The following CA10 variants were observed in gnomAD, a reference collection of about 807,000 sequenced individuals.
CA10 encodes carbonic anhydrase-related protein 10.
Under a neutral mutation model 44.2 loss-of-function variants are expected in CA10, and 14 were observed. That is an observed-to-expected ratio of 0.32 (90% CI 0.21 to 0.50). The LOEUF (loss-of-function observed/expected upper bound fraction) is 0.50, where lower values mean the gene tolerates loss of function less well. CA10 is among the 20% of genes least tolerant of loss of function. CA10 has a pLI of 0.99. For missense variants in CA10, 350 were observed against 409.7 expected, an observed-to-expected ratio of 0.85 and a Z score of 1.26; for synonymous variants, 159 against 141.6, an observed-to-expected ratio of 1.12 and a Z score of -0.87.
intron 3 of CA10, among the ~76,000 whole-genome samples, chr17:51,884,901 G>A (rs763599391): frequency 2.6e-5 from 4 of 152,040 alleles, no homozygotes; most frequent in Non-Finnish European, 5.9e-5. Context: ...TCATCACCTG[G>A]CTTTCTTCCT....
chr17:52,037,629 A>G lies in CA10; in HGVS notation c.136+34690T>C, dbSNP rs565009081. 2.4e-4 allele frequency among the ~76,000 whole-genome samples: 37 copies of G among 152,034 alleles called. 1 individual carries two copies. In the South Asian group the frequency reaches 7.5e-3, roughly 31 times the overall value. Reference sequence around the variant, plus strand: ...TCAAGAATAAAGATTTGAAAGCTTTACTCTCACCCTCTCCCCAAGGACATT... The same window carrying G: ...TCAAGAATAAAGATTTGAAAGCTTTGCTCTCACCCTCTCCCCAAGGACATT... On this transcript the variant is annotated intron_variant, in intron 2 of 8. Coordinates refer to ENST00000451037, the MANE Select transcript of CA10 (RefSeq NM_020178.5).
At chr17:52,144,040 A>G (rs184167584) in intron 1 of CA10, among the ~76,000 whole-genome samples, 1 of 152,226 alleles carries the variant, frequency 6.6e-6, no homozygotes, top group African/African-American at 2.4e-5. Flanking sequence ...GCATTTAATT[A>G]TCATTTAAAG....
At chr17:51,910,102 G>T (rs1345909564) in intron 3 of CA10, among the ~76,000 whole-genome samples, 1 of 152,030 alleles carries the variant, frequency 6.6e-6, no homozygotes, top group African/African-American at 2.4e-5. Context: ...AGGGTAATAG[G>T]AATGAATAAC....
chr17:51,801,105 A>G (rs1451081021), intron 3 of CA10, among the ~76,000 whole-genome samples: 3 of 152,190 alleles, frequency 2.0e-5, no homozygotes, highest in African/African-American at 7.2e-5. Flanking sequence ...CCCTTCAAGC[A>G]TCTTCTCTCT....
At chr17:52,084,617 A>ATTTTTTTTTTT (rs1567728035) in intron 1 of CA10, among the ~76,000 whole-genome samples, 1 of 152,082 alleles carries the variant, frequency 6.6e-6, no homozygotes, top group African/African-American at 2.4e-5. Flanking sequence ...CCCCACCTGG[A>ATTTTTTTTTTT]TTTTTTATTC....
intron 2 of CA10, among the ~76,000 whole-genome samples, chr17:51,969,248 T>C (rs1489069276): frequency 6.6e-6 from 1 of 152,016 alleles, no homozygotes; most frequent in African/African-American, 2.4e-5. Context: ...TTTACCATCT[T>C]CTCTGTGACA....
intron 1 of CA10, among the ~76,000 whole-genome samples, chr17:52,079,103 G>A (rs1030472232): frequency 1.3e-5 from 2 of 152,130 alleles, no homozygotes; most frequent in African/African-American, 2.4e-5. Context: ...TGGCTCACAC[G>A]GGGAAACCCC....
chr17:51,751,599 C>T (rs1198124943), intron 3 of CA10, among the ~76,000 whole-genome samples: 1 of 152,186 alleles, frequency 6.6e-6, no homozygotes, highest in Non-Finnish European at 1.5e-5. Flanking sequence ...GATCTTTCTT[C>T]CCCATGTCTT....
intron 4 of CA10, among the ~76,000 whole-genome samples, chr17:51,700,456 C>G (rs928293479): frequency 2.0e-5 from 3 of 152,186 alleles, no homozygotes; most frequent in African/African-American, 7.2e-5. Context: ...CATGCTCTGG[C>G]CACATTGGCC....
chr17:52,151,335 T>C (rs1989698980), intron 1 of CA10, among the ~76,000 whole-genome samples: 1 of 152,114 alleles, frequency 6.6e-6, no homozygotes, highest in Non-Finnish European at 1.5e-5. Context: ...ATGAACATAC[T>C]ATTCTTGCCA....
intron 2 of CA10, among the ~76,000 whole-genome samples, chr17:51,999,146 T>G (rs531025799): frequency 6.6e-6 from 1 of 152,198 alleles, no homozygotes; most frequent in African/African-American, 2.4e-5. Flanking sequence ...TAGTACTTTT[T>G]AGAATGCCAA....
intron 3 of CA10, among the ~76,000 whole-genome samples, chr17:51,789,928 C>A (rs1906447591): frequency 6.6e-6 from 1 of 152,218 alleles, no homozygotes; most frequent in Admixed American, 6.5e-5. Flanking sequence ...TAGACCTCTT[C>A]TCTGTATGAG....
intron 3 of CA10, among the ~76,000 whole-genome samples, chr17:51,900,640 G>A (rs964648541): frequency 3.9e-5 from 6 of 152,046 alleles, no homozygotes; most frequent in South Asian, 2.1e-4. Flanking sequence ...TTGCCTTCTC[G>A]CTCTCTCTTT....
chr17:52,087,629 T>C (rs547094110), intron 1 of CA10, among the ~76,000 whole-genome samples: 1 of 152,340 alleles, frequency 6.6e-6, no homozygotes, highest in East Asian at 1.9e-4. Flanking sequence ...ACAGTGAGAA[T>C]AGCTGCCGGA....
intron 3 of CA10, among the ~76,000 whole-genome samples, chr17:51,820,550 T>C (rs538988426): frequency 6.6e-6 from 1 of 152,034 alleles, no homozygotes; most frequent in African/African-American, 2.4e-5. Context: ...ACCCATTTCC[T>C]GTATTCTGAA....
At chr17:51,833,660 A>G (rs1908367298) in intron 3 of CA10, among the ~76,000 whole-genome samples, 1 of 152,220 alleles carries the variant, frequency 6.6e-6, no homozygotes, top group Non-Finnish European at 1.5e-5. Flanking sequence ...AGAAAAGGGT[A>G]CTGTGTAGTA....
intron 2 of CA10, among the ~76,000 whole-genome samples, chr17:52,067,522 G>A (rs994478121): frequency 2.6e-5 from 4 of 152,226 alleles, no homozygotes; most frequent in Admixed American, 1.3e-4. Context: ...AACTCCTACA[G>A]AGTCCCCACT....
chr17:51,944,569 T>C (rs917792853), intron 2 of CA10, among the ~76,000 whole-genome samples: 1 of 152,158 alleles, frequency 6.6e-6, no homozygotes, highest in Non-Finnish European at 1.5e-5. Flanking sequence ...AACGGTTTAG[T>C]AAATTAGGTA....
In CA10 at chr17:51,633,668, G is replaced by T. The variant is rs1426799989; in HGVS notation, c.790-18C>A. 1 of 1,606,216 alleles carries T rather than the reference G, an allele frequency of 6.2e-7. No homozygotes were observed. The highest frequency in any genetic ancestry group is 1.7e-5 in the Admixed American group (1 of 59,138). On this transcript the variant is annotated intron_variant, in intron 7 of 8. Coordinates refer to ENST00000451037, the MANE Select transcript of CA10 (RefSeq NM_020178.5). ...GAATGCATCTGAGGAGAGAGAAGTG[G>T]CCGTGAGATCCAACCATCCTCTTAA...
Sources: gnomAD v4.1 joint callset for allele counts (sites outside exome capture counted in the v4.1 genomes callset) on GRCh38, gnomAD v4.1.1 for gene constraint, MANE v1.5 for transcripts, NCBI Gene and HGNC (gene_info 2026-07-23, HGNC 2026-07-21) for gene names.